MDN1: variants seen among roughly 807,000 people sequenced by gnomAD.
MDN1 encodes midasin.
MDN1 carries 266 observed loss-of-function variants against 669.2 expected under a neutral mutation model. That is an observed-to-expected ratio of 0.40 (90% CI 0.36 to 0.44). The LOEUF (loss-of-function observed/expected upper bound fraction) is 0.44. MDN1 is among the 20% of genes least tolerant of loss of function. The pLI is 1.00. For synonymous variants in MDN1, 2,385 were observed against 2,457.1 expected (o/e 0.97, Z 0.87); for missense variants, 5,940 against 6,754.0 (o/e 0.88, Z 4.22).
In MDN1 at chr6:89,683,825, G is replaced by A. The variant is rs374635884; in HGVS notation, c.11903+6C>T. ...TGGTTGTCTCCAGTTTTAAAAGATG[G>A]ATTACCTGTGTGTCTTTTCTACAGA... On this transcript the variant is annotated splice_donor_region_variant and intron_variant, in intron 72 of 101. Transcript: ENST00000369393. 1 of 1,610,288 alleles carries A rather than the reference G, an allele frequency of 6.2e-7. No individual in the cohort carries two copies. The highest frequency in any genetic ancestry group is 1.3e-5 in the African/African-American group (1 of 74,976).
intron 70 of MDN1, 28 bp from the exon 71 acceptor site, chr6:89,685,013 T>C (rs755940704): frequency 1.3e-6 from 2 of 1,498,986 alleles, no homozygotes; most frequent in Non-Finnish European, 1.9e-6. Context: ...GAAACAAAAA[T>C]ACCACACTTG....
intron 11 of MDN1, among the ~76,000 whole-genome samples, chr6:89,777,433 AG>A (rs1818407879): frequency 6.6e-6 from 1 of 152,234 alleles, no homozygotes; most frequent in Admixed American, 6.5e-5. Flanking sequence ...TAACCATAGT[AG>A]GAATTTAGTT....
At chr6:89,752,429 A>AT (rs768657695) in intron 22 of MDN1, among the ~76,000 whole-genome samples, 10 of 152,172 alleles carry the variant, frequency 6.6e-5, no homozygotes, top group Non-Finnish European at 1.3e-4. Flanking sequence ...TACTTGTACG[A>AT]TTTTTTAAAA....
At chr6:89,647,817 G>T (rs997504175) in intron 99 of MDN1, among the ~76,000 whole-genome samples, 2 of 152,158 alleles carry the variant, frequency 1.3e-5, no homozygotes, top group Non-Finnish European at 1.5e-5. Flanking sequence ...GCCAGACATG[G>T]TAGCATGCGC....
intron 91 of MDN1, among the ~76,000 whole-genome samples, chr6:89,656,253 C>A (rs188179804): frequency 6.6e-6 from 1 of 152,220 alleles, no homozygotes; most frequent in Non-Finnish European, 1.5e-5. Context: ...ATTGGTAACA[C>A]CAATTTGCTC....
At chr6:89,733,632 C>CAA (rs200834077) in intron 33 of MDN1, among the ~76,000 whole-genome samples, 6 of 123,012 alleles carry the variant, frequency 4.9e-5, no homozygotes, top group African/African-American at 1.8e-4. Flanking sequence ...ATACTGATTA[C>CAA]AAAAAAAAAA....
intron 2 of MDN1, among the ~76,000 whole-genome samples, chr6:89,797,146 T>G (rs1283221428): frequency 6.6e-6 from 1 of 151,248 alleles, no homozygotes; most frequent in Non-Finnish European, 1.5e-5. Context: ...CCAAGGGAGG[T>G]GGATCACAAG....
Position 89,745,335 on chromosome 6 carries a change from G to C in MDN1, c.4116C>G (p.Leu1372=), listed in dbSNP as rs146606208. 6.2e-7 allele frequency: 1 copy of C among 1,613,762 alleles called. No homozygotes were observed. The highest frequency in any genetic ancestry group is 1.3e-5 in the African/African-American group (1 of 74,816). ...CCAATGCCCTTCCCACTAGCATCGC[G>C]AGTCTCCGCATGCCCTCAGTCCACA... ...HIVWTEGMRR[L]AMLVGRALEF... The change falls in exon 29 of 102, where the codon CTC becomes CTG. Residue 1372 remains leucine, a synonymous_variant. Coordinates refer to ENST00000369393, the MANE Select transcript of MDN1 (RefSeq NM_014611.3).
At chr6:89,650,694 T>G in intron 96 of MDN1, 38 bp downstream of exon 96, 1 of 1,502,832 alleles carries the variant, frequency 6.7e-7, no homozygotes, top group South Asian at 1.1e-5. Context: ...TGCCGTCTTC[T>G]CAGGGCACTG....
chr6:89,743,994 T>C (rs1816432628), intron 29 of MDN1, among the ~76,000 whole-genome samples: 1 of 151,390 alleles, frequency 6.6e-6, no homozygotes, highest in Non-Finnish European at 1.5e-5. Flanking sequence ...CCCTAGCACT[T>C]TGGGAGGCTG....
Position 89,716,635 on chromosome 6 carries a change from G to C in MDN1, c.6743+15C>G. 3.1e-6 allele frequency: 5 copies of C among 1,603,578 alleles called. 1 individual carries two copies. Among genetic ancestry groups the C allele is most frequent in the Non-Finnish European group, 4.2e-6 (5 of 1,176,540 alleles). ...AATTTCAAGTTGGACCACTGATTAG[G>C]CATAAGGTTCTTACTTGCAGAAGTT... is the stretch of plus-strand genomic sequence containing the variant. On this transcript the variant is annotated intron_variant, in intron 44 of 101. Coordinates refer to ENST00000369393, the MANE Select transcript of MDN1 (RefSeq NM_014611.3).
intron 86 of MDN1, 96 bp downstream of exon 86, chr6:89,662,696 A>T: frequency 7.5e-7 from 1 of 1,334,084 alleles, no homozygotes; most frequent in Non-Finnish European, 1.0e-6. Context: ...CAAAACAAAT[A>T]CAGAAAAAGA....
Position 89,754,101 on chromosome 6 carries a change from A to C in MDN1, c.2946T>G (p.Ile982Met). 6.2e-7 allele frequency: 1 copy of C among 1,614,052 alleles called. No homozygotes were observed. The highest frequency in any genetic ancestry group is 8.5e-7 in the Non-Finnish European group (1 of 1,179,980). Reference sequence around the variant, plus strand: ...GAAAGACCTCATAGAGTGAGCGCTGAATGTTGCCACATGGATTGGAGGCTG... The same window carrying C: ...GAAAGACCTCATAGAGTGAGCGCTGCATGTTGCCACATGGATTGGAGGCTG... The part of the protein sequence containing the change: ...RFAASNPCGN[I>M]QRSLYEGFCL... The change falls in exon 21 of 102, where the codon ATT (isoleucine) becomes ATG (methionine). Residue 982 changes from isoleucine to methionine, a missense_variant. By Grantham distance (10) the Ile-to-Met change is conservative. Transcript: ENST00000369393.
intron 1 of MDN1, chr6:89,815,583 G>A: frequency 5.7e-6 from 1 of 175,456 alleles, no homozygotes; most frequent in South Asian, 1.1e-4. Context: ...ATCAGTGACT[G>A]CCTGCCACAG....
chr6:89,690,586 A>G, intron 64 of MDN1, 87 bp downstream of exon 64: 1 of 1,494,056 alleles, frequency 6.7e-7, no homozygotes, highest in Non-Finnish European at 9.2e-7. Context: ...AGAGAGAGAT[A>G]AAGAGGAAGA....
At position 89,743,599 on chromosome 6, in the gene MDN1, C is replaced by G; in HGVS notation, c.4294G>C (p.Val1432Leu). ...TSDFLGGLRP[V>L]RQKPNDKEEI... ...ACCTTGTCGTTTGGCTTTTGTCTCA[C>G]TGGCCGCAGGCCACCCAGGAAGTCT... The change falls in exon 30 of 102, where the codon GTG becomes CTG. Residue 1432 changes from valine to leucine, a missense_variant. Around this residue, in one of 5 missense-constraint regions of MDN1, gnomAD observed 2,292 missense variants for 2,638.3 expected, o/e 0.87. Transcript: ENST00000369393. 6.2e-7 allele frequency: 1 copy of G among 1,613,862 alleles called. No homozygotes were observed.
At chr6:89,737,722 AAT>A (rs945842830) in intron 33 of MDN1, among the ~76,000 whole-genome samples, 1 of 93,478 alleles carries the variant, frequency 1.1e-5, no homozygotes, top group Non-Finnish European at 1.9e-5. Context: ...ATCCCAGCCT[AAT>A]TTTTTTTTTT....
intron 87 of MDN1, among the ~76,000 whole-genome samples, 173 bp downstream of exon 87, chr6:89,661,912 AAC>A (rs1562049562): frequency 6.6e-6 from 1 of 152,330 alleles, no homozygotes; most frequent in East Asian, 1.9e-4. Context: ...GTCAGGAACC[AAC>A]AGTTATATAT....
intron 15 of MDN1, among the ~76,000 whole-genome samples, chr6:89,764,776 A>C (rs1817719145): frequency 6.6e-6 from 1 of 152,194 alleles, no homozygotes. Context: ...GCTCAGCAAC[A>C]CAGGGGAAGG....
Sources: gnomAD v4.1 joint callset for allele counts (sites outside exome capture counted in the v4.1 genomes callset) on GRCh38, gnomAD v4.1.1 for gene constraint, gnomAD v4.1.1 regional missense constraint, MANE v1.5 for transcripts, NCBI Gene and HGNC (gene_info 2026-07-23, HGNC 2026-07-21) for gene names.